DRICH1: variants seen among roughly 807,000 people sequenced by gnomAD.
DRICH1 encodes aspartate-rich protein 1.
DRICH1 carries 38 observed loss-of-function variants against 39.5 expected under a neutral mutation model. That is an observed-to-expected ratio of 0.96 (90% CI 0.74 to 1.26). DRICH1 has a LOEUF of 1.26. Ranked by LOEUF, DRICH1 falls within the 50% of genes most tolerant of loss-of-function variation. DRICH1 has a pLI of 0.00. For synonymous variants in DRICH1, 84 were observed against 99.5 expected, an observed-to-expected ratio of 0.84 and a Z score of 0.93; for missense variants, 279 against 270.4, an observed-to-expected ratio of 1.03 and a Z score of -0.22.
At chr22:23,610,893 T>A (rs1013977341) in intron 11 of DRICH1, among the ~76,000 whole-genome samples, 13 of 113,448 alleles carry the variant, frequency 1.1e-4, no homozygotes, top group East Asian at 2.4e-4. Flanking sequence ...ATGGGCAAAA[T>A]TTTTTTTTTT....
chr22:23,593,979 A>AAAAAAAAAAAAG, the DRICH1 span, among the ~76,000 whole-genome samples: 9 of 54,608 alleles, frequency 1.6e-4, no homozygotes, highest in South Asian at 4.9e-4. Context: ...CTCTGTCTCA[A>AAAAAAAAAAAAG]AAAAAAAAAA....
At chr22:23,608,828 C>T in intron 11 of DRICH1, 60 bp from the exon 12 acceptor site, 1 of 1,535,678 alleles carries the variant, frequency 6.5e-7, no homozygotes, top group Non-Finnish European at 8.8e-7. Context: ...TGCACTATGA[C>T]ATCATCCCAC....
intron 4 of DRICH1, among the ~76,000 whole-genome samples, chr22:23,621,010 CTGTG>C (rs1344132797): frequency 6.6e-6 from 1 of 152,130 alleles, no homozygotes; most frequent in Non-Finnish European, 1.5e-5. Flanking sequence ...ACAGAGAGAA[CTGTG>C]TATGTTGTAT....
chr22:23,632,285 T>G lies in DRICH1; in HGVS notation c.-262A>C, dbSNP rs375962587. 121 of 512,506 alleles carry G rather than the reference T, an allele frequency of 2.4e-4. No individual in the cohort carries two copies. Among genetic ancestry groups the G allele is most frequent in the African/African-American group, 2.1e-3 (108 of 52,074 alleles). 31.7% of individuals were successfully genotyped at this position (512,506 alleles called of 1,614,324 possible). Reference sequence around the variant, plus strand: ...CAAAAACTGCCATCAAAGAGCACAGTTGGAGCTCCTCCTCCCTCCACTGCG... The same window carrying G: ...CAAAAACTGCCATCAAAGAGCACAGGTGGAGCTCCTCCTCCCTCCACTGCG... On this transcript the variant is annotated 5_prime_UTR_variant, in exon 1 of 12. Coordinates refer to ENST00000317749, the MANE Select transcript of DRICH1 (RefSeq NM_016449.4).
intron 11 of DRICH1, among the ~76,000 whole-genome samples, chr22:23,612,886 ACT>A (rs1322805024): frequency 6.6e-6 from 1 of 152,168 alleles, no homozygotes; most frequent in Non-Finnish European, 1.5e-5. Flanking sequence ...CAGCACAAGG[ACT>A]GTTTCTCTAG....
intron 6 of DRICH1, 106 bp from the exon 7 acceptor site, chr22:23,617,763 T>C (rs557946274): frequency 3.5e-5 from 39 of 1,108,328 alleles, no homozygotes; most frequent in East Asian, 7.1e-5. Flanking sequence ...TTAACAAACA[T>C]GGACTGGTTA....
intron 6 of DRICH1, 148 bp downstream of exon 6, chr22:23,619,216 G>T: frequency 1.2e-5 from 6 of 509,336 alleles, no homozygotes; most frequent in East Asian, 1.1e-4. Flanking sequence ...ATTTATATTA[G>T]TCATGTTAAA....
At chr22:23,582,993 A>G in the DRICH1 span, 4 of 152,066 alleles carry the variant, frequency 2.6e-5, no homozygotes, top group Admixed American at 2.6e-4. Flanking sequence ...TTGCACTGCA[A>G]CTCAGAGGGT....
At chr22:23,630,047 G>A (rs1928298200) in intron 1 of DRICH1, among the ~76,000 whole-genome samples, 1 of 152,226 alleles carries the variant, frequency 6.6e-6, no homozygotes, top group Non-Finnish European at 1.5e-5. Context: ...GACCTGCACT[G>A]TTCCATGTGA....
At position 23,608,506 on chromosome 22, in the gene DRICH1, GCA is replaced by G; in HGVS notation, c.*256_*257del. Reference sequence around the variant, plus strand: ...GGGAATGGCACTTTCTGCTCGTGGAGCACAGTCACGTCTCTTCTCACTCTCTT... The same window carrying G: ...GGGAATGGCACTTTCTGCTCGTGGAGCAGTCACGTCTCTTCTCACTCTCTT... On this transcript the variant is annotated 3_prime_UTR_variant, in exon 12 of 12. Transcript: ENST00000317749. 9.8e-6 allele frequency: 5 copies of G among 510,184 alleles called. No homozygotes were observed. In the South Asian group the frequency reaches 1.4e-4, roughly 14 times the overall value. The allele number at this position is 510,184 out of a possible 1,614,324, so 31.6% of individuals were successfully genotyped here.
At chr22:23,630,819 T>A (rs1275224653) in intron 1 of DRICH1, 1 of 152,070 alleles carries the variant, frequency 6.6e-6, no homozygotes, top group African/African-American at 2.4e-5. Context: ...TCCTCACTCC[T>A]ATCAGGAACC....
chr22:23,599,331 A>T, the DRICH1 span, among the ~76,000 whole-genome samples: 1 of 151,918 alleles, frequency 6.6e-6, no homozygotes, highest in African/African-American at 2.4e-5. Context: ...ACTCCTATGC[A>T]CCCCGCAGGG....
At chr22:23,586,415 G>T in the DRICH1 span, among the ~76,000 whole-genome samples, 1 of 152,190 alleles carries the variant, frequency 6.6e-6, no homozygotes, top group Non-Finnish European at 1.5e-5. Flanking sequence ...TCTGAGCCCA[G>T]GAGGTCTAGG....
rs1254465415 is a variant in DRICH1, at chr22:23,617,602, GTCA to G, written c.489_491del (p.Asp164del). ...GGGCATCATCATCATCATCATCACA[GTCA>G]TCATCTTCACTTCGTGGTAGGCATA... On this transcript the variant is annotated inframe_deletion, in exon 7 of 12. Transcript: ENST00000317749. 1.9e-6 allele frequency: 3 copies of G among 1,613,402 alleles called. No homozygotes were observed. In the African/African-American group the frequency reaches 4.0e-5, roughly 22 times the overall value.
downstream of DRICH1, chr22:23,607,079 A>G (rs2123753243): frequency 6.5e-6 from 1 of 152,806 alleles, no homozygotes; most frequent in Non-Finnish European, 1.5e-5. Context: ...TGATCCGCTC[A>G]CTGATGTGGA....
At position 23,620,169 on chromosome 22, in the gene DRICH1, T is replaced by C. The variant is rs1927634141; in HGVS notation, c.406+425A>G. Reference sequence around the variant, plus strand: ...AAAAGAACTCGGCTTATATTTACTTTTTCTTTTTCTCTTTTTACACCCTCC... The same window carrying C: ...AAAAGAACTCGGCTTATATTTACTTCTTCTTTTTCTCTTTTTACACCCTCC... On this transcript the variant is annotated intron_variant, in intron 5 of 11. Transcript: ENST00000317749. Among the ~76,000 whole-genome samples the C allele has an allele frequency of 6.6e-5, 10 of 152,286 alleles. No homozygotes were observed. The South Asian group carries it at 2.1e-3, about 32-fold the overall frequency.
At chr22:23,588,101 C>T in the DRICH1 span, among the ~76,000 whole-genome samples, 2 of 152,078 alleles carry the variant, frequency 1.3e-5, no homozygotes, top group Non-Finnish European at 2.9e-5. Flanking sequence ...TATTTTGACC[C>T]TTTTGCTACT....
chr22:23,595,717 T>C, the DRICH1 span, among the ~76,000 whole-genome samples: 511 of 151,866 alleles, frequency 3.4e-3, 1 homozygote, highest in African/African-American at 0.012. Context: ...AAAGGTCCCC[T>C]GTCCATTAAT....
Position 23,617,666 on chromosome 22 carries a change from A to G in DRICH1, c.437-9T>C, listed in dbSNP as rs1252710621. On this transcript the variant is annotated splice_polypyrimidine_tract_variant and intron_variant, in intron 6 of 11. Transcript: ENST00000317749. ...GTTGTCCTCAGAAGAACCTGGAAGC[A>G]CACAGAGGAAAGATCCGTGCCCTGG... 6 of 1,613,760 alleles carry G rather than the reference A, an allele frequency of 3.7e-6. No individual in the cohort carries two copies. Among genetic ancestry groups the G allele is most frequent in the Non-Finnish European group, 3.4e-6 (4 of 1,179,762 alleles).
Sources: allele counts gnomAD v4.1 joint callset (sites outside exome capture counted in the v4.1 genomes callset), GRCh38; gene constraint gnomAD v4.1.1; transcripts MANE v1.5; gene names NCBI Gene and HGNC (gene_info 2026-07-23, HGNC 2026-07-21).